The following SATB2 variants were observed in gnomAD, a reference collection of about 807,000 sequenced individuals.
The protein encoded by SATB2 is SATB homeobox 2, also known as DNA-binding protein SATB2.
Under a neutral mutation model 73.4 loss-of-function variants are expected in SATB2, and 1 was observed. The observed-to-expected ratio is 0.01, with a 90% CI of 0.00 to 0.06. SATB2 has a LOEUF of 0.06. SATB2 is among the 10% of genes least tolerant of loss of function. The probability of loss-of-function intolerance (pLI) is 1.00; values close to 1 mark genes in which losing one functional copy is unlikely to be tolerated. For synonymous variants in SATB2, 397 were observed against 367.0 expected, an observed-to-expected ratio of 1.08 and a Z score of -0.93; for missense variants, 459 against 945.8, an observed-to-expected ratio of 0.49 and a Z score of 6.75.
At chr2:199,324,106 T>G in intron 8 of SATB2, 148 bp from the exon 9 acceptor site, 1 of 834,640 alleles carries the variant, frequency 1.2e-6, no homozygotes, top group Non-Finnish European at 2.0e-6. Context: ...CTAATCAGGT[T>G]AATTGTGATT....
At chr2:199,413,354 T>C (rs964748101) in intron 3 of SATB2, among the ~76,000 whole-genome samples, 2 of 152,184 alleles carry the variant, frequency 1.3e-5, no homozygotes, top group Non-Finnish European at 2.9e-5. Flanking sequence ...AAGCCTGGTT[T>C]TCCTAACTCA....
chr2:199,318,616 T>C (rs1687799888), intron 9 of SATB2, among the ~76,000 whole-genome samples: 1 of 152,086 alleles, frequency 6.6e-6, no homozygotes, highest in Admixed American at 6.5e-5. Context: ...CATGAAATCA[T>C]GGGTGATCCA....
intron 3 of SATB2, among the ~76,000 whole-genome samples, chr2:199,390,003 G>C (rs369452864): frequency 2.0e-4 from 31 of 151,810 alleles, no homozygotes; most frequent in African/African-American, 6.0e-4. Flanking sequence ...TCACATTTGG[G>C]AAATGTTATG....
chr2:199,441,132 C>T (rs1404165253), intron 2 of SATB2, among the ~76,000 whole-genome samples: 2 of 152,142 alleles, frequency 1.3e-5, no homozygotes, highest in African/African-American at 4.8e-5. Flanking sequence ...TAGGTGTGAG[C>T]CACCTTGCCC....
intron 9 of SATB2, among the ~76,000 whole-genome samples, chr2:199,311,627 A>G (rs2105773262): frequency 6.6e-6 from 1 of 152,152 alleles, no homozygotes; most frequent in East Asian, 1.9e-4. Flanking sequence ...TGCCATATAT[A>G]GGTATTTATT....
In SATB2 at chr2:199,349,071, T is replaced by C. The variant is rs375141410; in HGVS notation, c.803A>G (p.Asn268Ser). ...AATTTGGCTGTGAGGAGACTGTTCG[T>C]TGGTTTTCCCCAGGGATGCCAGCTG... ...MNQLASLGKT[N>S]EQSPHSQIHH... Residue 268 changes from asparagine (N) to serine (S), a missense_variant, in exon 7 of 11, where the codon AAC becomes AGC. Physicochemically the swap from Asn to Ser is conservative, Grantham distance 46. Coordinates refer to ENST00000417098, the MANE Select transcript of SATB2 (RefSeq NM_001172509.2). 1.9e-6 allele frequency: 3 copies of C among 1,614,082 alleles called. No homozygotes were observed. Among genetic ancestry groups the C allele is most frequent in the South Asian group, 1.1e-5 (1 of 91,074 alleles).
intron 3 of SATB2, among the ~76,000 whole-genome samples, chr2:199,409,604 C>T (rs1050080642): frequency 1.3e-5 from 2 of 151,942 alleles, no homozygotes; most frequent in Non-Finnish European, 2.9e-5. Context: ...AAGTATACTG[C>T]CTACTTTATA....
chr2:199,445,102 T>C (rs1053953102), intron 2 of SATB2, among the ~76,000 whole-genome samples: 1 of 152,200 alleles, frequency 6.6e-6, no homozygotes, highest in African/African-American at 2.4e-5. Context: ...TTGTTTACAA[T>C]AAATGCTTAG....
At chr2:199,334,088 T>C (rs1688268212) in intron 7 of SATB2, among the ~76,000 whole-genome samples, 2 of 152,148 alleles carry the variant, frequency 1.3e-5, no homozygotes, top group East Asian at 1.9e-4. Flanking sequence ...TCATTTATCA[T>C]AGAAAGGATA....
chr2:199,334,043 A>G (rs1021686753), intron 7 of SATB2, among the ~76,000 whole-genome samples: 4 of 152,080 alleles, frequency 2.6e-5, no homozygotes, highest in Admixed American at 6.6e-5. Flanking sequence ...TTACTAAAAC[A>G]TGTACCTTTT....
At chr2:199,385,572 T>C (rs1689908107) in intron 3 of SATB2, among the ~76,000 whole-genome samples, 1 of 152,184 alleles carries the variant, frequency 6.6e-6, no homozygotes, top group African/African-American at 2.4e-5. Flanking sequence ...GAATATCTAG[T>C]GTCAACTCCC....
intron 2 of SATB2, among the ~76,000 whole-genome samples, chr2:199,437,939 T>G (rs1053110748): frequency 5.9e-5 from 9 of 152,144 alleles, no homozygotes; most frequent in Non-Finnish European, 2.9e-5. Context: ...GTGTTTAACA[T>G]GCCCCATGGC....
chr2:199,467,757 G>C (rs1468967389), upstream of SATB2, among the ~76,000 whole-genome samples: 6 of 152,122 alleles, frequency 3.9e-5, no homozygotes, highest in Non-Finnish European at 8.8e-5. Context: ...ACCCCTCCCA[G>C]CCCCCTCACC....
intron 7 of SATB2, among the ~76,000 whole-genome samples, chr2:199,339,142 A>G (rs1688430218): frequency 6.6e-6 from 1 of 152,108 alleles, no homozygotes; most frequent in Non-Finnish European, 1.5e-5. Context: ...CAAAGCCATC[A>G]TCTCCCCAAG....
At chr2:199,322,502 A>T (rs971567079) in intron 9 of SATB2, among the ~76,000 whole-genome samples, 3 of 152,166 alleles carry the variant, frequency 2.0e-5, no homozygotes, top group Non-Finnish European at 4.4e-5. Context: ...ATGGTTGGAC[A>T]TTATGTCTTA....
chr2:199,287,478 T>A (rs1692723503), intron 10 of SATB2, among the ~76,000 whole-genome samples: 1 of 151,980 alleles, frequency 6.6e-6, no homozygotes, highest in Non-Finnish European at 1.5e-5. Flanking sequence ...TCAAACCATT[T>A]CCAAATCCCT....
At chr2:199,403,718 C>G (rs1690550303) in intron 3 of SATB2, among the ~76,000 whole-genome samples, 1 of 152,102 alleles carries the variant, frequency 6.6e-6, no homozygotes, top group African/African-American at 2.4e-5. Context: ...ATTTAGAAAT[C>G]TTTATATAGA....
intron 3 of SATB2, among the ~76,000 whole-genome samples, chr2:199,413,319 A>G (rs914147864): frequency 2.6e-5 from 4 of 152,212 alleles, no homozygotes; most frequent in Admixed American, 6.5e-5. Flanking sequence ...CAACACATGC[A>G]TGTTTAATAA....
At chr2:199,343,222 G>C (rs1219230229) in intron 7 of SATB2, among the ~76,000 whole-genome samples, 1 of 151,802 alleles carries the variant, frequency 6.6e-6, no homozygotes, top group Non-Finnish European at 1.5e-5. Context: ...CACACGATTT[G>C]CTCTTGGTAT....
Sources: gnomAD v4.1 joint callset for allele counts (sites outside exome capture counted in the v4.1 genomes callset) on GRCh38, gnomAD v4.1.1 for gene constraint, MANE v1.5 for transcripts, NCBI Gene and HGNC (gene_info 2026-07-23, HGNC 2026-07-21) for gene names.